The following SORCS3 variants were observed in gnomAD, a reference collection of about 807,000 sequenced individuals.
The protein encoded by SORCS3 is VPS10 domain-containing receptor SorCS3.
Under a neutral mutation model 146.3 loss-of-function variants are expected in SORCS3, and 57 were observed. The observed-to-expected ratio is 0.39, with a 90% confidence interval of 0.31 to 0.49. The LOEUF (loss-of-function observed/expected upper bound fraction) is 0.49, where lower values mean the gene tolerates loss of function less well. Among genes scored for constraint, SORCS3 ranks in the 20% least tolerant of loss-of-function variants. The pLI is 0.92. For missense variants in SORCS3, 1,341 were observed against 1,575.5 expected, an observed-to-expected ratio of 0.85 and a Z score of 2.52; for synonymous variants, 653 against 618.5, an observed-to-expected ratio of 1.06 and a Z score of -0.83.
chr10:105,009,527 C>CAAAAAAAAAA (rs35368294), intron 4 of SORCS3, among the ~76,000 whole-genome samples: 13 of 105,200 alleles, frequency 1.2e-4, no homozygotes, highest in Admixed American at 4.5e-4. Context: ...AACAAACAAA[C>CAAAAAAAAAA]AAAAAAAAAA....
At chr10:105,041,091 A>T (rs2055335097) in intron 4 of SORCS3, among the ~76,000 whole-genome samples, 1 of 147,260 alleles carries the variant, frequency 6.8e-6, no homozygotes, top group Non-Finnish European at 1.5e-5. Context: ...ATATATATTT[A>T]TATATATATA....
At chr10:105,074,622 G>T (rs1017768975) in intron 5 of SORCS3, among the ~76,000 whole-genome samples, 1 of 152,174 alleles carries the variant, frequency 6.6e-6, no homozygotes, top group Non-Finnish European at 1.5e-5. Context: ...TATGGTTATT[G>T]TCTTCTTCCT....
intron 1 of SORCS3, chr10:104,664,698 T>C (rs1302452023): frequency 6.6e-6 from 1 of 152,194 alleles, no homozygotes; most frequent in African/African-American, 2.4e-5. Context: ...TATCTCCCCA[T>C]TCACCTTGAC....
intron 4 of SORCS3, among the ~76,000 whole-genome samples, chr10:105,009,074 T>A (rs1260329110): frequency 6.6e-6 from 1 of 152,246 alleles, no homozygotes; most frequent in South Asian, 2.1e-4. Flanking sequence ...AGTTACTATA[T>A]GTCAGTCATG....
chr10:104,642,104 C>G (rs2015428455), intron 1 of SORCS3, 150 bp downstream of exon 1: 2 of 967,684 alleles, frequency 2.1e-6, no homozygotes, highest in Non-Finnish European at 3.0e-6. Context: ...CGATTCCCCC[C>G]ACGCCCCCAA....
At chr10:105,084,892 G>A (rs1330602457) in intron 5 of SORCS3, among the ~76,000 whole-genome samples, 1 of 151,978 alleles carries the variant, frequency 6.6e-6, no homozygotes, top group Non-Finnish European at 1.5e-5. Context: ...CACCATGCCT[G>A]GCTGTTTTTG....
At chr10:105,026,803 A>C (rs543999175) in intron 4 of SORCS3, among the ~76,000 whole-genome samples, 8 of 152,276 alleles carry the variant, frequency 5.3e-5, no homozygotes, top group African/African-American at 1.7e-4. Context: ...CAAAGATGGG[A>C]ACAATATATA....
chr10:104,696,502 T>G lies in SORCS3; in HGVS notation c.627+54548T>G, dbSNP rs370232721. Reference sequence around the variant, plus strand: ...TAGAATATATAATATATAATATATATAATATATAATATATAATATAGAATA... The same window carrying G: ...TAGAATATATAATATATAATATATAGAATATATAATATATAATATAGAATA... On this transcript the variant is annotated intron_variant, in intron 1 of 26. Transcript: ENST00000369701. 1.5e-3 allele frequency among the ~76,000 whole-genome samples: 61 copies of G among 40,260 alleles called. 4 individuals carry two copies. Among genetic ancestry groups the G allele is most frequent in the Non-Finnish European group, 1.9e-3 (35 of 18,758 alleles). The allele number at this position is 40,260 out of a possible 152,430, so 26.4% of individuals were successfully genotyped here. A position where few individuals can be genotyped will look rare whatever the true frequency, so the allele number is the denominator to read the frequency against.
intron 14 of SORCS3, among the ~76,000 whole-genome samples, chr10:105,183,334 A>C (rs1238613978): frequency 6.6e-6 from 1 of 152,074 alleles, no homozygotes; most frequent in East Asian, 1.9e-4. Context: ...TTTTGCTTAG[A>C]AAATTATGCA....
At chr10:105,177,953 C>CTT in intron 13 of SORCS3, 113 bp from the exon 14 acceptor site, 1 of 722,976 alleles carries the variant, frequency 1.4e-6, no homozygotes, top group Non-Finnish European at 2.4e-6. Flanking sequence ...TATTGATAAT[C>CTT]CACACTGCCA....
intron 3 of SORCS3, among the ~76,000 whole-genome samples, chr10:104,923,217 G>T (rs2019105494): frequency 1.3e-5 from 2 of 152,210 alleles, no homozygotes; most frequent in African/African-American, 2.4e-5. Flanking sequence ...AGAGGGCTTT[G>T]CAGTACCATG....
intron 1 of SORCS3, among the ~76,000 whole-genome samples, chr10:104,791,073 GT>G (rs2017490803): frequency 1.3e-5 from 2 of 152,318 alleles, no homozygotes; most frequent in East Asian, 3.9e-4. Flanking sequence ...GAACCTGGAG[GT>G]AGCCTTAATC....
At chr10:104,714,243 A>C (rs773727384) in intron 1 of SORCS3, among the ~76,000 whole-genome samples, 1 of 151,846 alleles carries the variant, frequency 6.6e-6, no homozygotes, top group Non-Finnish European at 1.5e-5. Context: ...TTCTGTTTTC[A>C]AGTTCACTGA....
chr10:104,962,682 T>C (rs2054803132), intron 3 of SORCS3, among the ~76,000 whole-genome samples: 1 of 152,188 alleles, frequency 6.6e-6, no homozygotes, highest in Non-Finnish European at 1.5e-5. Context: ...GCATGTTTTA[T>C]CAAGAAGGTA....
At chr10:104,865,729 G>C (rs1426580912) in intron 2 of SORCS3, among the ~76,000 whole-genome samples, 1 of 152,184 alleles carries the variant, frequency 6.6e-6, no homozygotes, top group African/African-American at 2.4e-5. Flanking sequence ...CTCCAAAAGG[G>C]ACCTTAAAGA....
intron 22 of SORCS3, among the ~76,000 whole-genome samples, chr10:105,251,368 C>G (rs1017148507): frequency 5.3e-5 from 8 of 152,100 alleles, no homozygotes; most frequent in Non-Finnish European, 1.2e-4. Flanking sequence ...CCCTCAACAC[C>G]TGGGGATTCT....
At chr10:104,802,878 T>A (rs1440065875) in intron 1 of SORCS3, among the ~76,000 whole-genome samples, 1 of 152,208 alleles carries the variant, frequency 6.6e-6, no homozygotes. Context: ...AGGCGAGGCT[T>A]CTGTTATCAT....
chr10:105,138,702 A>G (rs1298749843), intron 7 of SORCS3, among the ~76,000 whole-genome samples: 1 of 152,204 alleles, frequency 6.6e-6, no homozygotes, highest in Non-Finnish European at 1.5e-5. Flanking sequence ...CCTCCCATTA[A>G]GAATCTATCC....
intron 13 of SORCS3, among the ~76,000 whole-genome samples, chr10:105,177,825 G>A (rs1456192878): frequency 6.6e-6 from 1 of 152,014 alleles, no homozygotes; most frequent in African/African-American, 2.4e-5. Flanking sequence ...TGGGCTGTTT[G>A]TCGATTCTAA....
Sources: allele counts gnomAD v4.1 joint callset (sites outside exome capture counted in the v4.1 genomes callset), GRCh38; gene constraint gnomAD v4.1.1; transcripts MANE v1.5; gene names NCBI Gene and HGNC (gene_info 2026-07-23, HGNC 2026-07-21).